The following NCOR2 variants were observed in gnomAD, a reference collection of about 807,000 sequenced individuals.
The protein encoded by NCOR2 is nuclear receptor corepressor 2.
NCOR2 carries 81 observed loss-of-function variants against 262.9 expected under a neutral mutation model. That is an observed-to-expected ratio of 0.31 (90% CI 0.26 to 0.37). NCOR2 has a LOEUF of 0.37. NCOR2 is among the 10% of genes least tolerant of loss of function. NCOR2 has a pLI of 1.00. For synonymous variants in NCOR2, 1,659 were observed against 1,559.3 expected (o/e 1.06, Z -1.51); for missense variants, 3,385 against 3,621.4 (o/e 0.93, Z 1.68).
exon 31 of NCOR2, chr12:124,346,716 C>A: frequency 6.4e-7 from 1 of 1,565,026 alleles, no homozygotes; most frequent in East Asian, 2.3e-5. Flanking sequence ...TTCAGGGGGC[C>A]CAGGGCCTGC....
At chr12:124,550,410 C>G (rs2051678288) in intron 1 of NCOR2, among the ~76,000 whole-genome samples, 1 of 152,188 alleles carries the variant, frequency 6.6e-6, no homozygotes, top group South Asian at 2.1e-4. Flanking sequence ...CCTGCCCCAT[C>G]CTTCAGGAGT....
intron 21 of NCOR2, among the ~76,000 whole-genome samples, chr12:124,362,972 C>A (rs953953759): frequency 6.6e-6 from 1 of 152,264 alleles, no homozygotes; most frequent in Non-Finnish European, 1.5e-5. Flanking sequence ...GGGGAGCCCA[C>A]CTCCCAAAAA....
chr12:124,376,065 A>G (rs2039971463), intron 18 of NCOR2, among the ~76,000 whole-genome samples: 1 of 152,126 alleles, frequency 6.6e-6, no homozygotes, highest in Non-Finnish European at 1.5e-5. Flanking sequence ...GGGACACCCC[A>G]TGGGAGGGGT....
chr12:124,425,967 C>A (rs1305548532), intron 11 of NCOR2, among the ~76,000 whole-genome samples: 1 of 152,152 alleles, frequency 6.6e-6, no homozygotes, highest in Non-Finnish European at 1.5e-5. Context: ...GATCACGAAC[C>A]CACTCAGCCA....
chr12:124,355,931 G>A (rs1003491203), intron 23 of NCOR2, among the ~76,000 whole-genome samples: 6 of 152,192 alleles, frequency 3.9e-5, no homozygotes, highest in Non-Finnish European at 5.9e-5. Flanking sequence ...CCCTCCCTGT[G>A]CTGTGTGCCC....
At chr12:124,494,770 CT>C (rs1342662842) in intron 1 of NCOR2, among the ~76,000 whole-genome samples, 3 of 152,310 alleles carry the variant, frequency 2.0e-5, no homozygotes, top group African/African-American at 4.8e-5. Context: ...CCCTTGCCCC[CT>C]GGAAGCCACC....
chr12:124,520,726 A>G (rs2050137662), intron 1 of NCOR2, among the ~76,000 whole-genome samples: 1 of 152,132 alleles, frequency 6.6e-6, no homozygotes, highest in Non-Finnish European at 1.5e-5. Flanking sequence ...AGAATAAGCC[A>G]GTGTCTGGTT....
At chr12:124,479,405 G>A (rs183980932) in intron 3 of NCOR2, among the ~76,000 whole-genome samples, 13 of 151,162 alleles carry the variant, frequency 8.6e-5, no homozygotes, top group South Asian at 4.2e-4. Context: ...ACACACGCAC[G>A]CACACACAGG....
intron 1 of NCOR2, among the ~76,000 whole-genome samples, chr12:124,542,230 C>T (rs981157637): frequency 1.3e-5 from 2 of 151,992 alleles, no homozygotes; most frequent in Non-Finnish European, 2.9e-5. Flanking sequence ...AGGAACAGGG[C>T]GGGCCATTGC....
intron 7 of NCOR2, among the ~76,000 whole-genome samples, chr12:124,447,302 G>A (rs757860126): frequency 2.0e-5 from 3 of 152,234 alleles, no homozygotes; most frequent in Admixed American, 6.5e-5. Context: ...TAGTCAAAAT[G>A]CACTTCAACG....
chr12:124,325,379 C>CGGG, exon 47 of NCOR2: 3 of 317,188 alleles, frequency 9.5e-6, no homozygotes, highest in Non-Finnish European at 1.5e-5. Context: ...CTGACACCGC[C>CGGG]CCCCCCCCCG....
chr12:124,552,090 C>T (rs2051731065), intron 1 of NCOR2, among the ~76,000 whole-genome samples: 1 of 152,084 alleles, frequency 6.6e-6, no homozygotes, highest in South Asian at 2.1e-4. Flanking sequence ...GAGGCCAAGG[C>T]AGGAGGATCT....
chr12:124,387,597 C>T (rs372893988), intron 16 of NCOR2, among the ~76,000 whole-genome samples: 16 of 152,148 alleles, frequency 1.1e-4, no homozygotes, highest in Non-Finnish European at 8.8e-5. Flanking sequence ...GTTCGCCTGC[C>T]GTGGCCCTGG....
intron 1 of NCOR2, among the ~76,000 whole-genome samples, chr12:124,533,715 C>T (rs1317160906): frequency 6.6e-6 from 1 of 152,120 alleles, no homozygotes; most frequent in Admixed American, 6.5e-5. Flanking sequence ...TACTGCTTAA[C>T]CACGGGGACA....
At chr12:124,479,367 A>C (rs1353650414) in intron 3 of NCOR2, among the ~76,000 whole-genome samples, 1 of 151,816 alleles carries the variant, frequency 6.6e-6, no homozygotes, top group Non-Finnish European at 1.5e-5. Context: ...ACACATGCAC[A>C]CTCACGCACA....
chr12:124,328,962 A>C (rs899289847), intron 44 of NCOR2: 6 of 336,650 alleles, frequency 1.8e-5, no homozygotes, highest in Non-Finnish European at 1.8e-5. Flanking sequence ...CATGTGCATG[A>C]AGAAAAAGCA....
intron 33 of NCOR2, among the ~76,000 whole-genome samples, chr12:124,342,664 G>A (rs115950721): frequency 0.016 from 2,444 of 152,144 alleles, 66 homozygotes; most frequent in African/African-American, 0.056. Context: ...CACCGTGCCC[G>A]GCAACTTTTA....
intron 31 of NCOR2, 142 bp from the exon 34 acceptor site, chr12:124,345,093 G>T (rs2036800906): frequency 2.5e-6 from 2 of 785,740 alleles, no homozygotes; most frequent in Non-Finnish European, 3.9e-6. Flanking sequence ...GAGACAGAGG[G>T]CTTTGCTAAC....
chr12:124,332,429 G>A (rs1280798216), exon 43 of NCOR2: 13 of 1,614,224 alleles, frequency 8.1e-6, no homozygotes, highest in Admixed American at 1.7e-5. Context: ...GAAGGCTGGC[G>A]GCTGGCTGGT....
Sources: allele counts gnomAD v4.1 joint callset (sites outside exome capture counted in the v4.1 genomes callset), GRCh38; gene constraint gnomAD v4.1.1; transcripts MANE v1.5; gene names NCBI Gene and HGNC (gene_info 2026-07-23, HGNC 2026-07-21).